The following MECOM variants were observed in gnomAD, a reference collection of about 807,000 sequenced individuals.
The protein encoded by MECOM is histone-lysine N-methyltransferase MECOM.
Under a neutral mutation model 116.3 loss-of-function variants are expected in MECOM, and 13 were observed. The ratio of observed to expected loss-of-function variants is 0.11; its 90% CI spans 0.07 to 0.18. The LOEUF is 0.18. Ranked by LOEUF, MECOM falls within the 10% of genes least tolerant of loss-of-function variation. MECOM has a pLI of 1.00. For missense variants in MECOM, 1,299 were observed against 1,509.0 expected (o/e 0.86, Z 2.31); for synonymous variants, 528 against 535.2 (o/e 0.99, Z 0.19).
At chr3:169,385,880 A>G (rs1050512917) in intron 1 of MECOM, among the ~76,000 whole-genome samples, 6 of 152,176 alleles carry the variant, frequency 3.9e-5, no homozygotes, top group African/African-American at 1.4e-4. Context: ...AGTGCCATAT[A>G]TATCAGTGGT....
chr3:169,214,791 A>T (rs1751217549), intron 2 of MECOM, among the ~76,000 whole-genome samples: 1 of 149,256 alleles, frequency 6.7e-6, no homozygotes, highest in Admixed American at 6.7e-5. Context: ...CAGAAAAAAA[A>T]GTTCTACAGG....
intron 2 of MECOM, among the ~76,000 whole-genome samples, chr3:169,284,549 C>G (rs1265910826): frequency 6.6e-6 from 1 of 151,672 alleles, no homozygotes; most frequent in African/African-American, 2.4e-5. Flanking sequence ...ATGCTGACAT[C>G]CTTTTTTTAA....
chr3:169,085,829 C>T (rs1352108054), intron 16 of MECOM, among the ~76,000 whole-genome samples: 1 of 152,164 alleles, frequency 6.6e-6, no homozygotes, highest in Non-Finnish European at 1.5e-5. Flanking sequence ...CAGAGAGTCC[C>T]CTATTTACTG....
At chr3:169,369,342 C>CTTTTT (rs10661629) in intron 2 of MECOM, among the ~76,000 whole-genome samples, 5,426 of 86,818 alleles carry the variant, frequency 0.062, 487 homozygotes, top group East Asian at 0.098. Flanking sequence ...TGATTGCAGC[C>CTTTTT]TTTTTTTTTT....
chr3:169,358,441 G>A (rs1248143310), intron 2 of MECOM, among the ~76,000 whole-genome samples: 4 of 150,988 alleles, frequency 2.6e-5, no homozygotes, highest in African/African-American at 9.7e-5. Context: ...TGACATTTTT[G>A]TAATCTACCT....
chr3:169,641,542 C>A lies in MECOM; in HGVS notation c.37+21794G>T, dbSNP rs561894122. 5.3e-5 allele frequency among the ~76,000 whole-genome samples: 8 copies of A among 152,262 alleles called. No individual in the cohort carries two copies. The South Asian group carries it at 1.0e-3, about 20-fold the overall frequency. On this transcript the variant is annotated intron_variant, in intron 1 of 16. Transcript: ENST00000651503. ...ATTGTTATTTGTAATATATCTATAA[C>A]CTGCAAGTATGGGGCATTATCATAA...
At chr3:169,294,407 A>G (rs935118044) in intron 2 of MECOM, among the ~76,000 whole-genome samples, 1 of 152,210 alleles carries the variant, frequency 6.6e-6, no homozygotes, top group African/African-American at 2.4e-5. Context: ...GCTTTTAACT[A>G]ATGTATTGAT....
intron 1 of MECOM, among the ~76,000 whole-genome samples, chr3:169,651,947 T>G (rs1323939527): frequency 6.6e-6 from 1 of 152,238 alleles, no homozygotes; most frequent in East Asian, 1.9e-4. Context: ...ATAACTTTCA[T>G]TTTTATTTTA....
intron 2 of MECOM, among the ~76,000 whole-genome samples, chr3:169,244,794 C>CAA (rs1755377198): frequency 6.6e-6 from 1 of 152,092 alleles, no homozygotes; most frequent in Non-Finnish European, 1.5e-5. Flanking sequence ...TAGTAACTTC[C>CAA]AACTCCAGAT....
chr3:169,236,749 A>G (rs1754120636), intron 2 of MECOM, among the ~76,000 whole-genome samples: 1 of 152,220 alleles, frequency 6.6e-6, no homozygotes, highest in South Asian at 2.1e-4. Context: ...AGTAACATAT[A>G]TTTATACAAT....
At chr3:169,417,972 G>A (rs989877570) in intron 1 of MECOM, among the ~76,000 whole-genome samples, 6 of 149,740 alleles carry the variant, frequency 4.0e-5, no homozygotes, top group African/African-American at 4.9e-5. Flanking sequence ...TTGGGGGAGC[G>A]GGGAGGGATA....
intron 16 of MECOM, among the ~76,000 whole-genome samples, chr3:169,088,155 C>T (rs1718437929): frequency 6.6e-6 from 1 of 150,832 alleles, no homozygotes; most frequent in Admixed American, 6.6e-5. Flanking sequence ...AGGCCACATA[C>T]AAAATGAACT....
chr3:169,225,686 C>G (rs935411910), intron 2 of MECOM, among the ~76,000 whole-genome samples: 1 of 152,118 alleles, frequency 6.6e-6, no homozygotes, highest in Non-Finnish European at 1.5e-5. Context: ...CTCAGCTCAC[C>G]GCAACCTGTG....
chr3:169,223,597 A>G (rs1429195779), intron 2 of MECOM, among the ~76,000 whole-genome samples: 1 of 152,152 alleles, frequency 6.6e-6, no homozygotes, highest in Non-Finnish European at 1.5e-5. Context: ...CTGGGAAATT[A>G]GAACTCATTT....
At position 169,378,583 on chromosome 3, in the gene MECOM, A is replaced by AAAGT. The variant is rs56896782; in HGVS notation, c.375+2600_375+2603dup. Reference sequence around the variant, plus strand: ...GAAAGAAAGAAAGAAAGAAAGAAAGAAAGTAAGTAAGTAAGTTTGGGGACT... The same window carrying AAAGT: ...GAAAGAAAGAAAGAAAGAAAGAAAGAAAGTAAGTAAGTAAGTAAGTTTGGGGACT... On this transcript the variant is annotated intron_variant, in intron 2 of 16. Transcript: ENST00000651503. Among the ~76,000 whole-genome samples, 230 of 63,972 alleles carry AAAGT rather than the reference A, an allele frequency of 3.6e-3. 8 individuals are homozygous for AAAGT. Among genetic ancestry groups the AAAGT allele is most frequent in the African/African-American group, 8.9e-3 (161 of 18,080 alleles). 42.0% of individuals were successfully genotyped at this position (63,972 alleles called of 152,430 possible). A position where few individuals can be genotyped will look rare whatever the true frequency, so the allele number is the denominator to read the frequency against.
intron 2 of MECOM, among the ~76,000 whole-genome samples, chr3:169,157,416 C>T (rs186126819): frequency 1.5e-3 from 227 of 152,178 alleles, no homozygotes; most frequent in Non-Finnish European, 2.4e-3. Flanking sequence ...TGACTGTAGC[C>T]AAACACTTAA....
chr3:169,170,806 C>T (rs564608670), intron 2 of MECOM, among the ~76,000 whole-genome samples: 1 of 152,228 alleles, frequency 6.6e-6, no homozygotes, highest in East Asian at 1.9e-4. Context: ...TTCTATTAAC[C>T]CATTTAAAAG....
At chr3:169,381,655 TA>T (rs1274269521) in intron 1 of MECOM, 131 bp from the exon 2 acceptor site, 2 of 703,568 alleles carry the variant, frequency 2.8e-6, no homozygotes, top group African/African-American at 3.6e-5. Context: ...GTGCCTTCAT[TA>T]AAATCTTTAT....
chr3:169,560,790 A>G (rs1276558853), intron 1 of MECOM, among the ~76,000 whole-genome samples: 2 of 152,046 alleles, frequency 1.3e-5, no homozygotes. Context: ...ATATCATAGG[A>G]AAAAAACAGA....
Sources: allele counts gnomAD v4.1 joint callset (sites outside exome capture counted in the v4.1 genomes callset), GRCh38; gene constraint gnomAD v4.1.1; transcripts MANE v1.5; gene names NCBI Gene and HGNC (gene_info 2026-07-23, HGNC 2026-07-21).